LINGO2: variants seen among roughly 807,000 people sequenced by gnomAD.
LINGO2 encodes the protein leucine-rich repeat and immunoglobulin-like domain-containing nogo receptor-interacting protein 2.
In LINGO2, 14 loss-of-function variants were observed where a neutral mutation model predicts 30.6. That is an observed-to-expected ratio of 0.46 (90% CI 0.30 to 0.72). LINGO2 has a LOEUF of 0.72. LINGO2 is among the 30% of genes least tolerant of loss of function. The pLI, the probability that LINGO2 is intolerant of heterozygous loss-of-function variation, is 0.07. For missense variants in LINGO2, 729 were observed against 751.7 expected (o/e 0.97, Z 0.35); for synonymous variants, 317 against 288.5 (o/e 1.10, Z -1.00).
the LINGO2 span, among the ~76,000 whole-genome samples, chr9:29,032,578 G>T: frequency 1.3e-5 from 2 of 152,130 alleles, no homozygotes; most frequent in South Asian, 2.1e-4. Context: ...GTCTGAAAGT[G>T]AATGAAGTAA....
intron 4 of LINGO2, among the ~76,000 whole-genome samples, chr9:28,167,550 CT>C (rs1157571700): frequency 6.6e-6 from 1 of 151,994 alleles, no homozygotes; most frequent in African/African-American, 2.4e-5. Flanking sequence ...CCAGCTAATT[CT>C]TTTTTTGTTA....
chr9:28,877,944 G>C, the LINGO2 span, among the ~76,000 whole-genome samples: 6 of 152,174 alleles, frequency 3.9e-5, no homozygotes, highest in South Asian at 1.2e-3. Context: ...GTGGTTTGTA[G>C]TTCTCCTTGA....
the LINGO2 span, among the ~76,000 whole-genome samples, chr9:29,038,544 T>A: frequency 6.6e-6 from 1 of 151,948 alleles, no homozygotes; most frequent in Non-Finnish European, 1.5e-5. Context: ...GATATAGCAT[T>A]TATATTCAGT....
At chr9:28,720,162 C>A in the LINGO2 span, among the ~76,000 whole-genome samples, 1 of 152,044 alleles carries the variant, frequency 6.6e-6, no homozygotes, top group East Asian at 1.9e-4. Context: ...TAAGTCCACA[C>A]TTAATTTGAC....
chr9:28,068,500 A>T (rs1349657653), intron 4 of LINGO2, among the ~76,000 whole-genome samples: 1 of 152,154 alleles, frequency 6.6e-6, no homozygotes, highest in Non-Finnish European at 1.5e-5. Context: ...TTGGGGGTAG[A>T]GCTTCAATAT....
At chr9:28,948,310 G>T in the LINGO2 span, among the ~76,000 whole-genome samples, 24,954 of 151,940 alleles carry the variant, frequency 0.16, 2,083 homozygotes, top group South Asian at 0.2. Flanking sequence ...AAAGTTGAAT[G>T]AATAAAAACC....
the LINGO2 span, among the ~76,000 whole-genome samples, chr9:28,817,430 T>A: frequency 6.6e-6 from 1 of 152,216 alleles, no homozygotes; most frequent in Admixed American, 6.5e-5. Flanking sequence ...GATATTTGAA[T>A]GCTTTCAGGA....
the LINGO2 span, among the ~76,000 whole-genome samples, chr9:28,948,157 A>G: frequency 6.6e-6 from 1 of 152,122 alleles, no homozygotes; most frequent in Non-Finnish European, 1.5e-5. Flanking sequence ...TCTTAAATGT[A>G]TATTAAAAAT....
At position 28,506,447 on chromosome 9, in the gene LINGO2, C is replaced by CAT. The variant is rs1820125450; in HGVS notation, c.-364-30423_-364-30422insAT. Among the ~76,000 whole-genome samples, 14 of 114,952 alleles carry CAT rather than the reference C, an allele frequency of 1.2e-4. 1 individual carries two copies. Among genetic ancestry groups the CAT allele is most frequent in the Admixed American group, 1.1e-3 (11 of 10,208 alleles). The allele number at this position is 114,952 out of a possible 152,430, so 75.4% of individuals were successfully genotyped here. Reference sequence around the variant, plus strand: ...ACACACACACACACACACACACACACACACACACATACACATACACACACA... The same window carrying CAT: ...ACACACACACACACACACACACACACATACACACACATACACATACACACACA... On this transcript the variant is annotated intron_variant, in intron 1 of 5. Transcript: ENST00000379992.
chr9:28,211,253 G>C (rs954716956), intron 4 of LINGO2, among the ~76,000 whole-genome samples: 1 of 149,804 alleles, frequency 6.7e-6, no homozygotes, highest in East Asian at 2.0e-4. Context: ...TCGTGATTTA[G>C]ATTAGTTGGA....
rs1431189421 is a variant in LINGO2 at position 28,104,255 on chromosome 9, GTTTTTTGTTTGTTT to G, written c.-86-91864_-86-91851del. ...AGGGATTTGCTTTTCCCCAGTACAA[GTTTTTTGTTTGTTT>G]TTTTTTTTTTTTTTTTTGCTTTTTT... On this transcript the variant is annotated intron_variant, in intron 4 of 5. Coordinates refer to ENST00000379992, the Ensembl canonical transcript of LINGO2. 3.3e-3 allele frequency among the ~76,000 whole-genome samples: 245 copies of G among 75,166 alleles called. 2 individuals carry two copies. Among genetic ancestry groups the G allele is most frequent in the Non-Finnish European group, 5.4e-3 (194 of 35,902 alleles). The allele number at this position is 75,166 out of a possible 152,430, so 49.3% of individuals were successfully genotyped here.
chr9:29,047,051 A>AAAAAAAAAAAAAAAAAAAAAAAC, the LINGO2 span, among the ~76,000 whole-genome samples: 14 of 106,898 alleles, frequency 1.3e-4, 1 homozygote, highest in East Asian at 3.4e-4. Context: ...AAAAAAAAAA[A>AAAAAAAAAAAAAAAAAAAAAAAC]CCAAAAACAA....
rs189511690 is a variant in LINGO2, at chr9:28,544,071, C to T, written c.-364-68046G>A. 2.9e-3 allele frequency among the ~76,000 whole-genome samples: 448 copies of T among 151,878 alleles called. 8 individuals are homozygous for T. The highest frequency in any genetic ancestry group is 4.0e-3 in the Non-Finnish European group (271 of 67,978). On this transcript the variant is annotated intron_variant, in intron 1 of 5. Coordinates refer to ENST00000379992, the Ensembl canonical transcript of LINGO2. ...TACAAAAATTAGCTGGGCATGCTGGCGTCTACCTGTAGTCCCAGCTGCTCT... is the reference window on the plus strand; with the variant it reads ...TACAAAAATTAGCTGGGCATGCTGGTGTCTACCTGTAGTCCCAGCTGCTCT...
At chr9:28,863,634 T>G in the LINGO2 span, 2 of 512,756 alleles carry the variant, frequency 3.9e-6, no homozygotes, top group Middle Eastern at 3.2e-4. Context: ...TGTGAAGCAC[T>G]ATGAATTACT....
At chr9:28,604,750 T>A (rs893367030) in intron 1 of LINGO2, among the ~76,000 whole-genome samples, 4 of 151,992 alleles carry the variant, frequency 2.6e-5, no homozygotes, top group African/African-American at 9.7e-5. Flanking sequence ...TTGGCAAGTA[T>A]GTAATTATAT....
At chr9:29,029,816 G>T in the LINGO2 span, among the ~76,000 whole-genome samples, 16 of 151,516 alleles carry the variant, frequency 1.1e-4, no homozygotes, top group African/African-American at 3.9e-4. Flanking sequence ...TATTCTCAAA[G>T]AATATGCCAT....
At chr9:29,213,338 G>C in the LINGO2 span, among the ~76,000 whole-genome samples, 3 of 152,150 alleles carry the variant, frequency 2.0e-5, no homozygotes, top group Non-Finnish European at 4.4e-5. Flanking sequence ...CTCCCTGCCC[G>C]AATTAGGTGG....
chr9:28,325,432 G>A (rs1255018675), intron 3 of LINGO2, among the ~76,000 whole-genome samples: 2 of 151,918 alleles, frequency 1.3e-5, no homozygotes, highest in East Asian at 1.9e-4. Context: ...AAACACACAC[G>A]GTCTGATATG....
intron 2 of LINGO2, among the ~76,000 whole-genome samples, chr9:28,438,849 T>A (rs10968601): frequency 0.29 from 41,826 of 144,272 alleles, 7,179 homozygotes; most frequent in Middle Eastern, 0.38. Flanking sequence ...TATATATATA[T>A]AATGAGATAT....
Sources: allele counts gnomAD v4.1 joint callset (sites outside exome capture counted in the v4.1 genomes callset), GRCh38; gene constraint gnomAD v4.1.1; transcripts MANE v1.5; gene names NCBI Gene and HGNC (gene_info 2026-07-23, HGNC 2026-07-21).